DLGAP1: variants seen among roughly 807,000 people sequenced by gnomAD.
DLGAP1 encodes the protein DLG associated protein 1.
In DLGAP1, 11 loss-of-function variants were observed where a neutral mutation model predicts 90.8. That is an observed-to-expected ratio of 0.12 (90% confidence interval 0.08 to 0.20). The LOEUF (loss-of-function observed/expected upper bound fraction) is 0.20. Among genes scored for constraint, DLGAP1 ranks in the 10% least tolerant of loss-of-function variants. The pLI is 1.00. For missense variants in DLGAP1, 1,050 were observed against 1,333.8 expected, an observed-to-expected ratio of 0.79 and a Z score of 3.31; for synonymous variants, 558 against 540.7, an observed-to-expected ratio of 1.03 and a Z score of -0.44.
At chr18:4,044,961 C>T (rs979569708) in intron 2 of DLGAP1, among the ~76,000 whole-genome samples, 2 of 152,078 alleles carry the variant, frequency 1.3e-5, no homozygotes, top group South Asian at 2.1e-4. Flanking sequence ...TCACCACCTC[C>T]TCTTCCCATA....
intron 1 of DLGAP1, chr18:4,430,777 C>A (rs2083272418): frequency 6.6e-6 from 1 of 152,086 alleles, no homozygotes; most frequent in Non-Finnish European, 1.5e-5. Context: ...CTGTGATCAG[C>A]TGCCATTAGG....
At chr18:3,919,208 A>G (rs2072213201) in intron 3 of DLGAP1, among the ~76,000 whole-genome samples, 1 of 152,214 alleles carries the variant, frequency 6.6e-6, no homozygotes, top group Admixed American at 6.5e-5. Context: ...AAACACTTGA[A>G]ATTCACACAC....
At chr18:3,695,191 G>A (rs561652161) in intron 7 of DLGAP1, among the ~76,000 whole-genome samples, 13 of 151,970 alleles carry the variant, frequency 8.6e-5, no homozygotes, top group African/African-American at 3.1e-4. Flanking sequence ...TGGTCCACCC[G>A]TTTCAGCCTC....
chr18:3,866,635 T>C (rs1305357956), intron 4 of DLGAP1, among the ~76,000 whole-genome samples: 2 of 152,184 alleles, frequency 1.3e-5, no homozygotes, highest in Admixed American at 1.3e-4. Flanking sequence ...ATACTTTGAG[T>C]TGTTCCAGAC....
intron 7 of DLGAP1, among the ~76,000 whole-genome samples, chr18:3,594,919 T>C (rs1850996163): frequency 6.6e-6 from 1 of 152,242 alleles, no homozygotes; most frequent in Admixed American, 6.5e-5. Context: ...TTTGTATTGC[T>C]GGCTTCCAGT....
At chr18:4,039,549 A>C (rs1483637519) in intron 2 of DLGAP1, among the ~76,000 whole-genome samples, 2 of 152,216 alleles carry the variant, frequency 1.3e-5, no homozygotes, top group Non-Finnish European at 2.9e-5. Context: ...TCAAACATCA[A>C]TGGCAAAGCA....
chr18:3,984,422 C>G (rs944719899), intron 3 of DLGAP1, among the ~76,000 whole-genome samples: 1 of 152,172 alleles, frequency 6.6e-6, no homozygotes, highest in African/African-American at 2.4e-5. Flanking sequence ...TCTGCACTGA[C>G]TAAGTCTCAG....
At chr18:3,592,547 T>C (rs764122152) in intron 7 of DLGAP1, among the ~76,000 whole-genome samples, 1 of 152,050 alleles carries the variant, frequency 6.6e-6, no homozygotes, top group Non-Finnish European at 1.5e-5. Flanking sequence ...AAGAACTTAA[T>C]AGACATGGGG....
chr18:3,712,296 G>A lies in DLGAP1; in HGVS notation c.1591+16839C>T, dbSNP rs139351035. Among the ~76,000 whole-genome samples the A allele has an allele frequency of 1.1e-4, 17 of 152,316 alleles. No individual in the cohort carries two copies. The East Asian group carries it at 3.1e-3, about 28-fold the overall frequency. ...GTGGTAGTGAGCAGGGGTGGACTTC[G>A]GGAGCAAGAGCAGCGTTTGCCGCGG... On this transcript the variant is annotated intron_variant, in intron 7 of 12. Coordinates refer to ENST00000315677, the MANE Select transcript of DLGAP1 (RefSeq NM_004746.4).
At chr18:3,730,653 T>G (rs2062389918) in intron 6 of DLGAP1, among the ~76,000 whole-genome samples, 1 of 152,176 alleles carries the variant, frequency 6.6e-6, no homozygotes, top group African/African-American at 2.4e-5. Flanking sequence ...ACTATTACAA[T>G]TTTTGGCTGT....
intron 7 of DLGAP1, among the ~76,000 whole-genome samples, chr18:3,639,916 G>A (rs1460393668): frequency 2.0e-5 from 3 of 147,132 alleles, no homozygotes; most frequent in East Asian, 1.9e-4. Flanking sequence ...CACCACACCC[G>A]GCTAATTTTT....
At chr18:3,602,422 C>G (rs71358021) in intron 7 of DLGAP1, among the ~76,000 whole-genome samples, 147 of 151,904 alleles carry the variant, frequency 9.7e-4, no homozygotes, top group South Asian at 9.6e-3. Context: ...AGTGAAACCC[C>G]GTCTCTGCTA....
At chr18:4,307,873 G>A (rs1004502078) in intron 1 of DLGAP1, among the ~76,000 whole-genome samples, 4 of 151,986 alleles carry the variant, frequency 2.6e-5, no homozygotes, top group Non-Finnish European at 4.4e-5. Flanking sequence ...GCGCCACCAC[G>A]CCTGGCCAAT....
At chr18:4,101,927 C>G (rs1598404113) in intron 2 of DLGAP1, among the ~76,000 whole-genome samples, 1 of 151,712 alleles carries the variant, frequency 6.6e-6, no homozygotes, top group African/African-American at 2.4e-5. Flanking sequence ...TATATGTATG[C>G]ATTTATACAT....
chr18:3,907,393 C>G (rs562717446), intron 3 of DLGAP1, among the ~76,000 whole-genome samples: 1 of 152,298 alleles, frequency 6.6e-6, no homozygotes, highest in East Asian at 1.9e-4. Flanking sequence ...CATATCTCAT[C>G]CTACCAACTC....
chr18:4,189,337 T>C (rs1256619496), intron 1 of DLGAP1, among the ~76,000 whole-genome samples: 1 of 152,170 alleles, frequency 6.6e-6, no homozygotes, highest in Non-Finnish European at 1.5e-5. Context: ...GAGACTATTA[T>C]ATAAGAACAG....
chr18:4,424,879 C>T (rs1488820111), intron 1 of DLGAP1, among the ~76,000 whole-genome samples: 1 of 152,040 alleles, frequency 6.6e-6, no homozygotes, highest in Non-Finnish European at 1.5e-5. Context: ...TGCTAAATTT[C>T]CCTAGCAGCA....
intron 1 of DLGAP1, among the ~76,000 whole-genome samples, chr18:4,314,441 A>C (rs887652883): frequency 2.6e-5 from 4 of 152,196 alleles, no homozygotes; most frequent in African/African-American, 9.7e-5. Flanking sequence ...TACTTCCTCA[A>C]AGAAGCCTTC....
chr18:4,325,360 T>C (rs2080793882), intron 1 of DLGAP1, among the ~76,000 whole-genome samples: 1 of 151,928 alleles, frequency 6.6e-6, no homozygotes, highest in Non-Finnish European at 1.5e-5. Flanking sequence ...AAATCAGAGA[T>C]GATACAAACA....
Sources: allele counts gnomAD v4.1 joint callset (sites outside exome capture counted in the v4.1 genomes callset), GRCh38; gene constraint gnomAD v4.1.1; transcripts MANE v1.5; gene names NCBI Gene and HGNC (gene_info 2026-07-23, HGNC 2026-07-21).